Variants in PLXNA1 observed in about 807,000 individuals in gnomAD.
The protein encoded by PLXNA1 is plexin A1, also known as plexin-A1.
Under a neutral mutation model 191.7 loss-of-function variants are expected in PLXNA1, and 77 were observed. The ratio of observed to expected loss-of-function variants is 0.40; its 90% CI spans 0.33 to 0.49. The LOEUF (loss-of-function observed/expected upper bound fraction) is 0.49. Among genes scored for constraint, PLXNA1 ranks in the 20% least tolerant of loss-of-function variants. The pLI, the probability that PLXNA1 is intolerant of heterozygous loss-of-function variation, is 0.63. For synonymous variants in PLXNA1, 1,137 were observed against 1,156.4 expected (o/e 0.98, Z 0.34); for missense variants, 2,110 against 2,660.2 (o/e 0.79, Z 4.55).
At chr3:127,008,453 A>G (rs9881343) in intron 9 of PLXNA1, among the ~76,000 whole-genome samples, 10,448 of 152,198 alleles carry the variant, frequency 0.069, 464 homozygotes, top group South Asian at 0.21. Context: ...GGGCTGGGCA[A>G]GGCACTAGCT....
intron 4 of PLXNA1, among the ~76,000 whole-genome samples, chr3:127,004,088 C>T (rs2079053776): frequency 6.6e-6 from 1 of 152,268 alleles, no homozygotes; most frequent in Non-Finnish European, 1.5e-5. Flanking sequence ...CCTCCCTCCC[C>T]TTCTGGCTGG....
intron 10 of PLXNA1, among the ~76,000 whole-genome samples, 194 bp downstream of exon 10, chr3:127,012,352 C>A (rs924129585): frequency 4.6e-5 from 7 of 152,260 alleles, no homozygotes; most frequent in African/African-American, 1.7e-4. Flanking sequence ...GTCATGTAGG[C>A]AAGTGGGCTG....
At chr3:126,987,174 A>G (rs910202107) in intron 1 of PLXNA1, among the ~76,000 whole-genome samples, 16 of 152,302 alleles carry the variant, frequency 1.1e-4, no homozygotes, top group African/African-American at 3.8e-4. Context: ...CCTTTTGCAA[A>G]TGGGGAAACT....
chr3:127,036,642 G>A lies in PLXNA1; in HGVS notation c.*2625G>A, dbSNP rs1462048037. 1 of 152,394 alleles carries A rather than the reference G, an allele frequency of 6.6e-6. No homozygotes were observed. The highest frequency in any genetic ancestry group is 1.5e-5 in the Non-Finnish European group (1 of 68,106). 9.4% of individuals were successfully genotyped at this position (152,394 alleles called of 1,614,324 possible). A position where few individuals can be genotyped will look rare whatever the true frequency, so the allele number is the denominator to read the frequency against. On this transcript the variant is annotated 3_prime_UTR_variant, in exon 32 of 32. Coordinates refer to ENST00000393409, the MANE Select transcript of PLXNA1 (RefSeq NM_032242.4). ...GCTCCTAACTGTGCAGCACCTGGGAGCTCTGGCCTGGGGCTGGAGGCCCTG... is the reference window on the plus strand; with the variant it reads ...GCTCCTAACTGTGCAGCACCTGGGAACTCTGGCCTGGGGCTGGAGGCCCTG...
chr3:127,003,137 CACTGGG>C (rs1370382096), intron 3 of PLXNA1, among the ~76,000 whole-genome samples, 187 bp from the exon 4 acceptor site: 104 of 134,452 alleles, frequency 7.7e-4, no homozygotes, highest in African/African-American at 2.8e-3. Flanking sequence ...GTTTGCCCTG[CACTGGG>C]GCTGGGGCTG....
At chr3:126,995,504 G>A (rs2079011132) in intron 3 of PLXNA1, among the ~76,000 whole-genome samples, 1 of 152,386 alleles carries the variant, frequency 6.6e-6, no homozygotes, top group South Asian at 2.1e-4. Context: ...GGGCACCCGA[G>A]GCCAGCCCTG....
Position 127,014,003 on chromosome 3 carries a change from G to A in PLXNA1, c.2314-17G>A. On this transcript the variant is annotated splice_polypyrimidine_tract_variant and intron_variant, in intron 10 of 31. Coordinates refer to ENST00000393409, the MANE Select transcript of PLXNA1 (RefSeq NM_032242.4). The stretch of plus-strand genomic sequence containing the variant: ...GGCCGCTTAGCTGGGAAGCCTGACG[G>A]TGCCATCACCTAACAGTACTCCTAC... 6.2e-7 allele frequency: 1 copy of A among 1,609,760 alleles called. No homozygotes were observed. Among genetic ancestry groups the A allele is most frequent in the Non-Finnish European group, 8.5e-7 (1 of 1,176,418 alleles).
chr3:127,010,563 C>T (rs966364667), intron 9 of PLXNA1, among the ~76,000 whole-genome samples: 2 of 151,990 alleles, frequency 1.3e-5, no homozygotes, highest in African/African-American at 2.4e-5. Context: ...GCAGGGGTGG[C>T]GAGGGGACAG....
chr3:127,011,723 G>A (rs2079096525), intron 9 of PLXNA1, among the ~76,000 whole-genome samples: 1 of 152,210 alleles, frequency 6.6e-6, no homozygotes, highest in Admixed American at 6.5e-5. Context: ...TGGAATGGTG[G>A]GGGTCCTAGA....
rs866732311 is a variant in PLXNA1, at chr3:127,035,594, C to A, written c.*1577C>A. ...TGTTGAATACTAGAGGTTGTTAGACCCTTTTTTATGTTTTTTAATTAATCA... is the reference window on the plus strand; with the variant it reads ...TGTTGAATACTAGAGGTTGTTAGACACTTTTTTATGTTTTTTAATTAATCA... On this transcript the variant is annotated 3_prime_UTR_variant, in exon 32 of 32. Transcript: ENST00000393409. 2 of 152,550 alleles carry A rather than the reference C, an allele frequency of 1.3e-5. No individual in the cohort carries two copies. The highest frequency in any genetic ancestry group is 6.5e-5 in the Admixed American group (1 of 15,274). The allele number at this position is 152,550 out of a possible 1,614,324, so 9.4% of individuals were successfully genotyped here.
intron 3 of PLXNA1, among the ~76,000 whole-genome samples, chr3:126,999,534 C>T (rs1268189851): frequency 6.6e-6 from 1 of 152,248 alleles, no homozygotes; most frequent in Non-Finnish European, 1.5e-5. Context: ...CGTGCCGGTC[C>T]TGGCACATAG....
chr3:127,001,478 G>A (rs879299493), intron 3 of PLXNA1, among the ~76,000 whole-genome samples: 1 of 150,416 alleles, frequency 6.6e-6, no homozygotes, highest in Non-Finnish European at 1.5e-5. Flanking sequence ...TGGTAGGGGA[G>A]GGGGAGCTGG....
chr3:126,985,347 T>A (rs1474962079), intron 1 of PLXNA1, among the ~76,000 whole-genome samples: 1 of 152,066 alleles, frequency 6.6e-6, no homozygotes, highest in Non-Finnish European at 1.5e-5. Context: ...CCCATCGGCA[T>A]CCCAAGGCCA....
At chr3:127,001,301 G>C (rs2079038840) in intron 3 of PLXNA1, among the ~76,000 whole-genome samples, 4 of 152,178 alleles carry the variant, frequency 2.6e-5, no homozygotes. Context: ...GCCGGGCCAG[G>C]GTCAGGCTCC....
chr3:127,025,854 T>C (rs1404046739), intron 23 of PLXNA1, among the ~76,000 whole-genome samples: 2 of 152,246 alleles, frequency 1.3e-5, no homozygotes, highest in African/African-American at 4.8e-5. Context: ...TGCTGCAACA[T>C]GGATGAACTT....
intron 3 of PLXNA1, among the ~76,000 whole-genome samples, chr3:126,995,269 C>T (rs2079009841): frequency 6.6e-6 from 1 of 152,202 alleles, no homozygotes; most frequent in South Asian, 2.1e-4. Context: ...CCTGGGGTGC[C>T]TCTCTCAGCG....
Position 127,022,813 on chromosome 3 carries a change from C to T in PLXNA1, c.4357C>T (p.Leu1453Phe). 1 of 1,613,916 alleles carries T rather than the reference C, an allele frequency of 6.2e-7. No individual in the cohort carries two copies. The highest frequency in any genetic ancestry group is 8.5e-7 in the Non-Finnish European group (1 of 1,179,848). The change falls in exon 23 of 32, where the codon CTC becomes TTC. Residue 1453 changes from leucine (L) to phenylalanine (F), a missense_variant. Leu to Phe is a conservative substitution (Grantham distance 22). Coordinates refer to ENST00000393409, the MANE Select transcript of PLXNA1 (RefSeq NM_032242.4). ...GTTCACCTTCCTCTTGTATAAGTTC[C>T]TCAAGGTAAGCAGAGGCGGGAGGAA... is the stretch of plus-strand genomic sequence containing the variant. ...NWFTFLLYKFLKECAGEPLFM... is the reference protein window; with the variant it reads ...NWFTFLLYKFFKECAGEPLFM...
chr3:126,985,649 C>T (rs1010140334), intron 1 of PLXNA1, among the ~76,000 whole-genome samples: 1 of 152,238 alleles, frequency 6.6e-6, no homozygotes, highest in South Asian at 2.1e-4. Flanking sequence ...GGCATGGGCC[C>T]CTGGCACCCT....
At chr3:127,017,178 C>A in intron 17 of PLXNA1, 141 bp downstream of exon 17, 2 of 989,954 alleles carry the variant, frequency 2.0e-6, no homozygotes, top group Non-Finnish European at 3.0e-6. Flanking sequence ...TGCCTGGAGA[C>A]CCCTGGGGAG....
Sources: allele counts gnomAD v4.1 joint callset (sites outside exome capture counted in the v4.1 genomes callset), GRCh38; gene constraint gnomAD v4.1.1; transcripts MANE v1.5; gene names NCBI Gene and HGNC (gene_info 2026-07-23, HGNC 2026-07-21).